KCNK2: variants seen among roughly 807,000 people sequenced by gnomAD.
KCNK2 encodes potassium channel subfamily K member 2.
In KCNK2, 21 loss-of-function variants were observed where a neutral mutation model predicts 40.5. That is an observed-to-expected ratio of 0.52 (90% CI 0.37 to 0.75). The LOEUF is 0.75. Ranked by LOEUF, KCNK2 falls within the 30% of genes least tolerant of loss-of-function variation. The pLI is 0.00. For synonymous variants in KCNK2, 191 were observed against 202.2 expected (o/e 0.94, Z 0.47); for missense variants, 399 against 531.6 (o/e 0.75, Z 2.45).
chr1:215,146,583 T>C (rs1009081444), intron 3 of KCNK2, among the ~76,000 whole-genome samples: 4 of 152,204 alleles, frequency 2.6e-5, no homozygotes, highest in Non-Finnish European at 5.9e-5. Context: ...GATGCACCTA[T>C]ATATACATAC....
At chr1:215,119,796 T>G (rs1386386432) in intron 2 of KCNK2, among the ~76,000 whole-genome samples, 1 of 152,192 alleles carries the variant, frequency 6.6e-6, no homozygotes, top group Non-Finnish European at 1.5e-5. Flanking sequence ...TGAAATTTTA[T>G]TATCTATTCG....
At chr1:215,089,462 T>A (rs1214017116) in intron 2 of KCNK2, among the ~76,000 whole-genome samples, 4 of 152,154 alleles carry the variant, frequency 2.6e-5, no homozygotes, top group South Asian at 2.1e-4. Flanking sequence ...GTGCAGTTAG[T>A]CTAATCTGGT....
intron 3 of KCNK2, among the ~76,000 whole-genome samples, chr1:215,149,315 T>C (rs1411243042): frequency 6.6e-6 from 1 of 152,154 alleles, no homozygotes; most frequent in Non-Finnish European, 1.5e-5. Context: ...CAATTTATGT[T>C]ATTTAAACAT....
At chr1:215,083,613 C>T (rs964329775) in intron 1 of KCNK2, 182 bp downstream of exon 1, 3 of 612,798 alleles carry the variant, frequency 4.9e-6, no homozygotes, top group Non-Finnish European at 2.9e-6. Context: ...CCTCTCCACG[C>T]CGCTTCTCCC....
intron 3 of KCNK2, among the ~76,000 whole-genome samples, chr1:215,135,794 G>C (rs1275656129): frequency 6.6e-6 from 1 of 152,022 alleles, no homozygotes; most frequent in African/African-American, 2.4e-5. Context: ...GAGCACAGTG[G>C]CGTGATCTCG....
chr1:215,085,983 T>C (rs1380342136), intron 1 of KCNK2, among the ~76,000 whole-genome samples: 1 of 152,246 alleles, frequency 6.6e-6, no homozygotes, highest in Non-Finnish European at 1.5e-5. Flanking sequence ...TTCCTGAGTA[T>C]TCAAATATCT....
intron 6 of KCNK2, among the ~76,000 whole-genome samples, chr1:215,233,223 T>C (rs1338557693): frequency 6.6e-6 from 1 of 152,058 alleles, no homozygotes; most frequent in Non-Finnish European, 1.5e-5. Flanking sequence ...TGCCATAGAG[T>C]TCTCATTTTT....
chr1:215,065,321 C>A (rs1464878501), intron 1 of KCNK2, among the ~76,000 whole-genome samples: 3 of 151,876 alleles, frequency 2.0e-5, no homozygotes, highest in African/African-American at 7.3e-5. Flanking sequence ...CACCTGTGAA[C>A]CAGAAGTTAC....
rs1229508287 is a variant in KCNK2 at position 215,117,203 on chromosome 1, AT to A, written c.358-7427del. ...CTAGTTTCATGTAATGAGTCACAAA[AT>A]TTGATATCAAATCACAGATATATGA... On this transcript the variant is annotated intron_variant, in intron 2 of 6. Coordinates refer to ENST00000444842, the MANE Select transcript of KCNK2 (RefSeq NM_001017425.3). Among the ~76,000 whole-genome samples, 3 of 152,078 alleles carry A rather than the reference AT, an allele frequency of 2.0e-5. No individual in the cohort carries two copies. In the South Asian group the frequency reaches 6.2e-4, roughly 31 times the overall value.
At chr1:215,008,100 A>G (rs547227075) in intron 1 of KCNK2, among the ~76,000 whole-genome samples, 3 of 151,814 alleles carry the variant, frequency 2.0e-5, no homozygotes, top group African/African-American at 7.2e-5. Context: ...ACACAATATT[A>G]CAGAAGTCCT....
Position 215,007,037 on chromosome 1 carries a change from A to ATGTG in KCNK2, c.34+1092_34+1095dup, listed in dbSNP as rs1214318973. Among the ~76,000 whole-genome samples the ATGTG allele has an allele frequency of 4.1e-4, 21 of 51,598 alleles. 1 individual carries two copies. Among genetic ancestry groups the ATGTG allele is most frequent in the African/African-American group, 1.2e-3 (19 of 16,160 alleles). The allele number at this position is 51,598 out of a possible 152,430, so 33.9% of individuals were successfully genotyped here. A position where few individuals can be genotyped will look rare whatever the true frequency, so the allele number is the denominator to read the frequency against. ...TATATATATATATATATATATATATATGTGTGTGTGTGTATATATATATGT... is the reference window on the plus strand; with the variant it reads ...TATATATATATATATATATATATATATGTGTGTGTGTGTGTGTATATATATATGT... On this transcript the variant is annotated intron_variant, in intron 1 of 6. Transcript: ENST00000391895.
At chr1:215,011,841 C>T (rs775584130) in intron 1 of KCNK2, among the ~76,000 whole-genome samples, 2 of 139,114 alleles carry the variant, frequency 1.4e-5, no homozygotes, top group African/African-American at 2.7e-5. Flanking sequence ...CTCCTGACCT[C>T]GTGATCCACC....
chr1:215,119,920 G>C (rs552108439), intron 2 of KCNK2, among the ~76,000 whole-genome samples: 14 of 152,262 alleles, frequency 9.2e-5, no homozygotes, highest in Admixed American at 3.3e-4. Context: ...GAGATTCTTA[G>C]CTCTACGTCA....
chr1:215,051,709 A>G (rs915605999), intron 1 of KCNK2, among the ~76,000 whole-genome samples: 6 of 152,154 alleles, frequency 3.9e-5, no homozygotes, highest in Non-Finnish European at 7.4e-5. Flanking sequence ...GGAATGTAGC[A>G]TGTTTGGGAA....
intron 6 of KCNK2, among the ~76,000 whole-genome samples, chr1:215,213,508 G>C (rs1665830705): frequency 6.6e-6 from 1 of 152,184 alleles, no homozygotes; most frequent in Non-Finnish European, 1.5e-5. Context: ...CTACTCGGGA[G>C]ACTGAGACAG....
In KCNK2 at chr1:215,224,120, T is replaced by C. The variant is rs374695903; in HGVS notation, c.964-10708T>C. Among the ~76,000 whole-genome samples, 87 of 152,288 alleles carry C rather than the reference T, an allele frequency of 5.7e-4. 1 individual carries two copies. The highest frequency in any genetic ancestry group is 1.9e-3 in the African/African-American group (80 of 41,578). On this transcript the variant is annotated intron_variant, in intron 6 of 6. Coordinates refer to ENST00000444842, the MANE Select transcript of KCNK2 (RefSeq NM_001017425.3). ...GAAACGATGTCTAATCTCTTGGAGATTGCTGAGTTTTATGGAAAACAGGAC... is the reference window on the plus strand; with the variant it reads ...GAAACGATGTCTAATCTCTTGGAGACTGCTGAGTTTTATGGAAAACAGGAC...
chr1:215,006,492 C>G (rs1656132827), intron 1 of KCNK2, among the ~76,000 whole-genome samples: 1 of 152,082 alleles, frequency 6.6e-6, no homozygotes, highest in Non-Finnish European at 1.5e-5. Flanking sequence ...GAACTAAGAC[C>G]TAAGTTCTTT....
chr1:215,125,739 A>AATATATATATAT (rs66622204), intron 3 of KCNK2, among the ~76,000 whole-genome samples: 14 of 124,302 alleles, frequency 1.1e-4, no homozygotes, highest in South Asian at 3.1e-4. Context: ...AAGTATAATA[A>AATATATATATAT]ATATATATAT....
chr1:215,118,955 A>G (rs1185095018), intron 2 of KCNK2, among the ~76,000 whole-genome samples: 1 of 152,146 alleles, frequency 6.6e-6, no homozygotes, highest in Non-Finnish European at 1.5e-5. Flanking sequence ...TTTGTTCAAA[A>G]CATTCTGTAC....
Sources: allele counts gnomAD v4.1 joint callset (sites outside exome capture counted in the v4.1 genomes callset), GRCh38; gene constraint gnomAD v4.1.1; transcripts MANE v1.5; gene names NCBI Gene and HGNC (gene_info 2026-07-23, HGNC 2026-07-21).